ACACB: variants seen among roughly 807,000 people sequenced by gnomAD.
ACACB encodes acetyl-CoA carboxylase 2.
ACACB carries 209 observed loss-of-function variants against 278.8 expected under a neutral mutation model. The ratio of observed to expected loss-of-function variants is 0.75; its 90% CI spans 0.67 to 0.84. The LOEUF is 0.84. ACACB is among the 40% of genes least tolerant of loss of function. The pLI, the probability that ACACB is intolerant of heterozygous loss-of-function variation, is 0.00. For missense variants in ACACB, 2,850 were observed against 3,269.0 expected, an observed-to-expected ratio of 0.87 and a Z score of 3.13; for synonymous variants, 1,174 against 1,285.6, an observed-to-expected ratio of 0.91 and a Z score of 1.86.
intron 2 of ACACB, among the ~76,000 whole-genome samples, chr12:109,146,902 T>A (rs1409660853): frequency 1.3e-5 from 2 of 152,104 alleles, no homozygotes; most frequent in Non-Finnish European, 2.9e-5. Context: ...CGGAATCTCA[T>A]GAGCTCAAGC....
intron 2 of ACACB, among the ~76,000 whole-genome samples, chr12:109,160,114 C>A (rs11065707): frequency 1.5e-4 from 22 of 147,246 alleles, no homozygotes; most frequent in Admixed American, 4.1e-4. Flanking sequence ...AACCAACCAA[C>A]CAAACAAAAA....
chr12:109,162,943 G>T (rs1227462554), intron 2 of ACACB, among the ~76,000 whole-genome samples: 1 of 152,042 alleles, frequency 6.6e-6, no homozygotes, highest in African/African-American at 2.4e-5. Context: ...TCTTTTTTGA[G>T]ATGGAGTTTT....
At chr12:109,181,134 T>G (rs1287942239) in intron 11 of ACACB, among the ~76,000 whole-genome samples, 1 of 152,098 alleles carries the variant, frequency 6.6e-6, no homozygotes, top group Non-Finnish European at 1.5e-5. Context: ...TCCAGTTCCA[T>G]CCACGTTGTT....
upstream of ACACB, among the ~76,000 whole-genome samples, chr12:109,115,047 G>A (rs866451670): frequency 8.5e-5 from 13 of 152,308 alleles, no homozygotes; most frequent in Middle Eastern, 6.8e-3. Context: ...AGTGTCTAGG[G>A]AGAACTGAAT....
At chr12:109,143,462 C>CAAAAAAAAAA (rs10696128) in intron 2 of ACACB, among the ~76,000 whole-genome samples, 5 of 104,046 alleles carry the variant, frequency 4.8e-5, no homozygotes, top group Non-Finnish European at 5.6e-5. Flanking sequence ...GACCCTGTCT[C>CAAAAAAAAAA]AAAAAAAAAA....
chr12:109,241,361 G>C, intron 36 of ACACB, 80 bp downstream of exon 36: 1 of 1,419,752 alleles, frequency 7.0e-7, no homozygotes. Context: ...GATTAAGATG[G>C]CATTTGGAGG....
Position 109,116,711 on chromosome 12 carries a change from C to A in ACACB, c.-10+7C>A. 1 of 152,368 alleles carries A rather than the reference C, an allele frequency of 6.6e-6. No homozygotes were observed. Among genetic ancestry groups the A allele is most frequent in the African/African-American group, 2.4e-5 (1 of 41,554 alleles). 9.4% of individuals were successfully genotyped at this position (152,368 alleles called of 1,614,324 possible). On this transcript the variant is annotated splice_region_variant and intron_variant, in intron 1 of 52. Coordinates refer to ENST00000338432, the MANE Select transcript of ACACB (RefSeq NM_001093.4). ...AAGCGGCAGGAATAAAGTGGTAAGT[C>A]AGCTCGCCCCTCCCCGGGGTCCGGA... is the stretch of plus-strand genomic sequence containing the variant.
In ACACB at chr12:109,139,485, C is replaced by A. The variant is rs770693620; in HGVS notation, c.80C>A (p.Thr27Lys). 13 of 1,614,022 alleles carry A rather than the reference C, an allele frequency of 8.1e-6. No homozygotes were observed. Among genetic ancestry groups the A allele is most frequent in the Admixed American group, 3.3e-5 (2 of 59,988 alleles). ...TGGTTAAAAATCTGGGGGAAAATGA[C>A]GGACTCCAAGCCGATCACCAAGAGT... is the stretch of plus-strand genomic sequence containing the variant. ...FSWLKIWGKM[T>K]DSKPITKSKS... The change falls in exon 2 of 53, where the codon ACG (threonine) becomes AAG (lysine). Residue 27 changes from threonine (T) to lysine (K), a missense_variant. By Grantham distance (78) the Thr-to-Lys change is moderately conservative. Coordinates refer to ENST00000338432, the MANE Select transcript of ACACB (RefSeq NM_001093.4).
chr12:109,217,944 A>G (rs1477774476), intron 24 of ACACB, among the ~76,000 whole-genome samples: 3 of 152,246 alleles, frequency 2.0e-5, no homozygotes, highest in African/African-American at 7.2e-5. Flanking sequence ...ATAGTTGCTC[A>G]TTTAATTCAC....
Position 109,246,262 on chromosome 12 carries a change from C to T in ACACB, c.5385C>T (p.Ile1795=). ...GRDVIVIGND[I]TFRIGSFGPG... is the part of the protein sequence containing the mutation. ...ATGTGATCGTCATCGGCAATGACAT[C>T]ACCTTTCGCATTGGATCCTTTGGCC... Residue 1795 remains isoleucine (I), a synonymous_variant, in exon 39 of 53, where the codon ATC becomes ATT. Coordinates refer to ENST00000338432, the MANE Select transcript of ACACB (RefSeq NM_001093.4). The T allele has an allele frequency of 6.2e-7, 1 of 1,613,452 alleles. No individual in the cohort carries two copies. The highest frequency in any genetic ancestry group is 8.5e-7 in the Non-Finnish European group (1 of 1,179,920).
chr12:109,173,416 G>A (rs754590912), intron 6 of ACACB, among the ~76,000 whole-genome samples: 3 of 152,182 alleles, frequency 2.0e-5, no homozygotes, highest in African/African-American at 4.8e-5. Context: ...AACTCAGTGC[G>A]GATCAATACA....
At chr12:109,258,903 T>C in intron 46 of ACACB, 70 bp from the exon 47 acceptor site, 2 of 1,580,298 alleles carry the variant, frequency 1.3e-6, no homozygotes, top group Non-Finnish European at 1.7e-6. Flanking sequence ...AGCGAGGTTC[T>C]GGCAGCCGTC....
intron 46 of ACACB, 83 bp from the exon 47 acceptor site, chr12:109,258,890 C>G: frequency 6.5e-7 from 1 of 1,547,752 alleles, no homozygotes; most frequent in South Asian, 1.2e-5. Context: ...GCCTGCCATC[C>G]AGAGCGAGGT....
In ACACB at chr12:109,214,816, G is replaced by A. The variant is rs879323087; in HGVS notation, c.3351-1802G>A. 7.2e-5 allele frequency among the ~76,000 whole-genome samples: 11 copies of A among 152,266 alleles called. No homozygotes were observed. In the South Asian group the frequency reaches 1.4e-3, roughly 20 times the overall value. ...GTTAAAACTTTGTTTTAAAAGAAGC[G>A]GCTAGGTGCGATGGCTCACACCTAT... On this transcript the variant is annotated intron_variant, in intron 22 of 52. Coordinates refer to ENST00000338432, the MANE Select transcript of ACACB (RefSeq NM_001093.4).
rs537638499 is a variant in ACACB at position 109,264,288 on chromosome 12, C to T, written c.6844C>T (p.Arg2282Cys). Reference sequence around the variant, plus strand: ...GGACCTGGAGGGCCGGCTAAAGGCTCGCGAGGACCTGCTGCTCCCCATCTA... The same window carrying T: ...GGACCTGGAGGGCCGGCTAAAGGCTTGCGAGGACCTGCTGCTCCCCATCTA... The part of the protein sequence containing the change: ...RKDLEGRLKA[R>C]EDLLLPIYHQ... The change falls in exon 50 of 53, where the codon CGC becomes TGC. Residue 2282 changes from arginine (R) to cysteine (C), a missense_variant. Arg to Cys is a radical substitution (Grantham distance 180). Transcript: ENST00000338432. 1.3e-4 allele frequency: 210 copies of T among 1,614,146 alleles called. 2 individuals carry two copies. The South Asian group carries it at 2.1e-3, about 16-fold the overall frequency.
chr12:109,200,188 C>CT (rs1248366011), intron 18 of ACACB, among the ~76,000 whole-genome samples: 1 of 151,672 alleles, frequency 6.6e-6, no homozygotes, highest in African/African-American at 2.4e-5. Context: ...TCCTTGATTT[C>CT]TTTATTTTTT....
Position 109,265,540 on chromosome 12 carries a change from C to T in ACACB, c.7250+15C>T, listed in dbSNP as rs765050740. ...ACCATCCGAGGGTGAGTGGCCACCG[C>T]ACCTGCTTCCCAGCCTCCTGGCAAG... On this transcript the variant is annotated intron_variant, in intron 52 of 52. Coordinates refer to ENST00000338432, the MANE Select transcript of ACACB (RefSeq NM_001093.4). 2.5e-6 allele frequency: 4 copies of T among 1,611,684 alleles called. No homozygotes were observed. Among genetic ancestry groups the T allele is most frequent in the East Asian group, 4.5e-5 (2 of 44,804 alleles).
At chr12:109,163,646 CTTG>C (rs749899213) in intron 2 of ACACB, among the ~76,000 whole-genome samples, 5 of 152,048 alleles carry the variant, frequency 3.3e-5, no homozygotes, top group Middle Eastern at 6.8e-3. Context: ...GTATTTGTTT[CTTG>C]TTGTTGTTGT....
intron 1 of ACACB, chr12:109,131,481 A>G (rs370500206): frequency 1.3e-5 from 2 of 152,664 alleles, no homozygotes; most frequent in African/African-American, 4.8e-5. Flanking sequence ...AAATCCAAGC[A>G]TGGATGGGGA....
Sources: allele counts gnomAD v4.1 joint callset (sites outside exome capture counted in the v4.1 genomes callset), GRCh38; gene constraint gnomAD v4.1.1; transcripts MANE v1.5; gene names NCBI Gene and HGNC (gene_info 2026-07-23, HGNC 2026-07-21).